The following CCDC6 variants were observed in gnomAD, a reference collection of about 807,000 sequenced individuals.
CCDC6 encodes coiled-coil domain-containing protein 6.
CCDC6 carries 20 observed loss-of-function variants against 56.6 expected under a neutral mutation model. That is an observed-to-expected ratio of 0.35 (90% CI 0.25 to 0.51). CCDC6 has a LOEUF of 0.51. Ranked by LOEUF, CCDC6 falls within the 20% of genes least tolerant of loss-of-function variation. CCDC6 has a pLI of 0.95. For synonymous variants in CCDC6, 241 were observed against 234.4 expected, an observed-to-expected ratio of 1.03 and a Z score of -0.26; for missense variants, 367 against 601.1, an observed-to-expected ratio of 0.61 and a Z score of 4.07.
At chr10:59,888,433 A>G (rs547899964) in intron 1 of CCDC6, among the ~76,000 whole-genome samples, 61 of 152,244 alleles carry the variant, frequency 4.0e-4, no homozygotes, top group African/African-American at 1.5e-3. Context: ...GCCAGTCTGC[A>G]TACCTACTGA....
At position 59,790,095 on chromosome 10, in the gene CCDC6, A is replaced by C. The variant is rs2070454860; in HGVS notation, c.*2822T>G. 4.7e-6 allele frequency: 1 copy of C among 212,454 alleles called. No homozygotes were observed. Among genetic ancestry groups the C allele is most frequent in the African/African-American group, 2.3e-5 (1 of 44,196 alleles). The allele number at this position is 212,454 out of a possible 1,614,324, so 13.2% of individuals were successfully genotyped here. A position where few individuals can be genotyped will look rare whatever the true frequency, so the allele number is the denominator to read the frequency against. ...TTTCTAGAATTCTGTCTAGAGTGCT[A>C]GCATGCTTGATGAGAGAAAGCAGTT... On this transcript the variant is annotated 3_prime_UTR_variant, in exon 9 of 9. Transcript: ENST00000263102.
At chr10:59,869,236 G>C (rs930322094) in intron 1 of CCDC6, among the ~76,000 whole-genome samples, 3 of 151,480 alleles carry the variant, frequency 2.0e-5, no homozygotes, top group Admixed American at 6.6e-5. Context: ...CACTTAGCCA[G>C]AAAAGCCTCC....
chr10:59,871,499 T>C (rs957117460), intron 1 of CCDC6, among the ~76,000 whole-genome samples: 1 of 138,362 alleles, frequency 7.2e-6, no homozygotes, highest in Admixed American at 7.5e-5. Context: ...AAAAAGTTGA[T>C]GCACTACTGA....
chr10:59,854,221 G>A (rs989451928), intron 1 of CCDC6, among the ~76,000 whole-genome samples: 4 of 152,032 alleles, frequency 2.6e-5, no homozygotes, highest in Non-Finnish European at 5.9e-5. Flanking sequence ...TGGCAGTTTC[G>A]ATTTCTGTAT....
intron 2 of CCDC6, among the ~76,000 whole-genome samples, chr10:59,845,346 G>GTTTTTTTTTTTTTTTTTTTT (rs151236986): frequency 1.0e-5 from 1 of 96,960 alleles, no homozygotes; most frequent in African/African-American, 4.2e-5. Flanking sequence ...GCCCCTATGG[G>GTTTTTTTTTTTTTTTTTTTT]TTTTTTTTTT....
chr10:59,824,728 C>T (rs1239774249), intron 3 of CCDC6, among the ~76,000 whole-genome samples: 1 of 152,080 alleles, frequency 6.6e-6, no homozygotes, highest in East Asian at 1.9e-4. Context: ...AGCTGTTTTT[C>T]TAGGGGAACG....
chr10:59,823,370 C>T (rs114015610), intron 3 of CCDC6, among the ~76,000 whole-genome samples: 2,359 of 152,286 alleles, frequency 0.015, 69 homozygotes, highest in African/African-American at 0.053. Context: ...CTAGATGCTG[C>T]TACGGGGCCA....
chr10:59,890,224 C>G (rs2132681656), intron 1 of CCDC6, among the ~76,000 whole-genome samples: 1 of 152,206 alleles, frequency 6.6e-6, no homozygotes. Context: ...TAACATGTGG[C>G]CAAGTAACGG....
At chr10:59,810,104 G>A (rs757090522) in intron 5 of CCDC6, among the ~76,000 whole-genome samples, 69 of 152,170 alleles carry the variant, frequency 4.5e-4, no homozygotes, top group Non-Finnish European at 8.7e-4. Flanking sequence ...CGATGCCAAC[G>A]TTCAAACATT....
chr10:59,851,131 G>GAAAAAAAA (rs372606692), intron 2 of CCDC6, among the ~76,000 whole-genome samples: 13 of 46,740 alleles, frequency 2.8e-4, no homozygotes, highest in African/African-American at 3.3e-4. Context: ...CATGTAAATT[G>GAAAAAAAA]AAAAAAAAAA....
intron 2 of CCDC6, among the ~76,000 whole-genome samples, chr10:59,851,378 T>C (rs2071037938): frequency 6.6e-6 from 1 of 152,180 alleles, no homozygotes; most frequent in Non-Finnish European, 1.5e-5. Flanking sequence ...AAAATTTTGC[T>C]ATAAATCTCT....
chr10:59,858,813 T>C (rs191786647), intron 1 of CCDC6, among the ~76,000 whole-genome samples: 1 of 152,318 alleles, frequency 6.6e-6, no homozygotes, highest in East Asian at 1.9e-4. Flanking sequence ...TTACGCTGGA[T>C]TTATTAACTT....
intron 2 of CCDC6, among the ~76,000 whole-genome samples, chr10:59,852,094 T>C (rs529792929): frequency 6.6e-6 from 1 of 152,252 alleles, no homozygotes; most frequent in Non-Finnish European, 1.5e-5. Context: ...CACGGTTGAT[T>C]GTGGGTAGTT....
chr10:59,903,951 A>C (rs1490195734), intron 1 of CCDC6, among the ~76,000 whole-genome samples: 1 of 152,214 alleles, frequency 6.6e-6, no homozygotes, highest in Non-Finnish European at 1.5e-5. Context: ...AAACCTGCAA[A>C]ATCTTGAAGG....
At chr10:59,867,867 C>T (rs921704445) in intron 1 of CCDC6, among the ~76,000 whole-genome samples, 1 of 152,094 alleles carries the variant, frequency 6.6e-6, no homozygotes, top group Non-Finnish European at 1.5e-5. Flanking sequence ...CTGTCCCCGG[C>T]CAAGAAAAAT....
At chr10:59,853,456 C>T (rs1299262866) in intron 1 of CCDC6, among the ~76,000 whole-genome samples, 1 of 151,986 alleles carries the variant, frequency 6.6e-6, no homozygotes, top group African/African-American at 2.4e-5. Context: ...ATCACTTGAA[C>T]CCGGAAGACA....
At position 59,862,501 on chromosome 10, in the gene CCDC6, GTATA is replaced by G. The variant is rs146237484; in HGVS notation, c.304-9803_304-9800del. On this transcript the variant is annotated intron_variant, in intron 1 of 8. Transcript: ENST00000263102. ...AGGTTCTGTCTCAAGAAAAAAAAAA[GTATA>G]TATATATATATACACACACACACAC... Among the ~76,000 whole-genome samples, 271 of 85,052 alleles carry G rather than the reference GTATA, an allele frequency of 3.2e-3. 13 individuals are homozygous for G. Among genetic ancestry groups the G allele is most frequent in the African/African-American group, 0.015 (256 of 16,674 alleles). 55.8% of individuals were successfully genotyped at this position (85,052 alleles called of 152,430 possible).
Position 59,828,296 on chromosome 10 carries a change from T to C in CCDC6, c.582+4229A>G, listed in dbSNP as rs370601966. On this transcript the variant is annotated intron_variant, in intron 3 of 8. Transcript: ENST00000263102. ...GAAAGCCCCAATATCATTAAAGCCA[T>C]GTTGACTAGATTAATCCAATTTACT... Among the ~76,000 whole-genome samples the C allele has an allele frequency of 3.9e-4, 59 of 152,312 alleles. 1 individual carries two copies. Among genetic ancestry groups the C allele is most frequent in the African/African-American group, 1.4e-3 (58 of 41,580 alleles).
At chr10:59,859,359 C>T (rs1007654003) in intron 1 of CCDC6, among the ~76,000 whole-genome samples, 27 of 152,088 alleles carry the variant, frequency 1.8e-4, no homozygotes, top group Admixed American at 3.3e-4. Flanking sequence ...ACTAACTCCC[C>T]TAAATCCTCA....
Sources: gnomAD v4.1 joint callset for allele counts (sites outside exome capture counted in the v4.1 genomes callset) on GRCh38, gnomAD v4.1.1 for gene constraint, MANE v1.5 for transcripts, NCBI Gene and HGNC (gene_info 2026-07-23, HGNC 2026-07-21) for gene names.